Variants in IFT172 observed in about 807,000 individuals in gnomAD.
The protein encoded by IFT172 is intraflagellar transport 172.
A neutral mutation model predicts 248.9 loss-of-function variants in IFT172; 164 were observed. That is an observed-to-expected ratio of 0.66 (90% CI 0.58 to 0.75). The LOEUF is 0.75. Among genes scored for constraint, IFT172 ranks in the 30% least tolerant of loss-of-function variants. The probability of loss-of-function intolerance (pLI) is 0.00; values close to 1 mark genes in which losing one functional copy is unlikely to be tolerated. For synonymous variants in IFT172, 729 were observed against 791.6 expected, an observed-to-expected ratio of 0.92 and a Z score of 1.33; for missense variants, 1,950 against 2,192.4, an observed-to-expected ratio of 0.89 and a Z score of 2.21.
intron 25 of IFT172, chr2:27,459,072 G>T (rs1348456968): frequency 3.1e-6 from 2 of 635,048 alleles, no homozygotes; most frequent in African/African-American, 1.8e-5. Context: ...AATCCAAAAG[G>T]GCCTCACATT....
Position 27,457,922 on chromosome 2 carries a change from G to T in IFT172, c.3030C>A (p.His1010Gln), listed in dbSNP as rs201607202. 2.0e-5 allele frequency: 32 copies of T among 1,614,076 alleles called. No homozygotes were observed. Among genetic ancestry groups the T allele is most frequent in the Non-Finnish European group, 2.7e-5 (32 of 1,180,026 alleles). ...PDLAITMYKK[H>Q]KLYDDMIRLV... ...GGCGGATCATGTCATCATACAACTT[G>T]TGCTTTTTGTACATGGTGATGGCAA... Residue 1010 changes from histidine to glutamine, a missense_variant, in exon 28 of 48, where the codon CAC (histidine) becomes CAA (glutamine). By Grantham distance (24) the His-to-Gln change is conservative. Around this residue, in one of 3 missense-constraint regions of IFT172, gnomAD observed 164 missense variants for 239.3 expected, o/e 0.69. Transcript: ENST00000260570.
At position 27,454,310 on chromosome 2, in the gene IFT172, G is replaced by A. The variant is rs1321944677; in HGVS notation, c.3530+44C>T. On this transcript the variant is annotated intron_variant, in intron 32 of 47. Transcript: ENST00000260570. The surrounding 1 kb of genome is among the most constrained non-coding windows in gnomAD (Gnocchi z 4.2). ...AGATAATCATGAAAGATCCTGGGACGGTGACTGGGGAAACAGTATTAAGGA... is the reference window on the plus strand; with the variant it reads ...AGATAATCATGAAAGATCCTGGGACAGTGACTGGGGAAACAGTATTAAGGA... The A allele has an allele frequency of 1.2e-5, 20 of 1,611,538 alleles. No individual in the cohort carries two copies. Among genetic ancestry groups the A allele is most frequent in the Admixed American group, 1.0e-4 (6 of 60,004 alleles).
intron 3 of IFT172, among the ~76,000 whole-genome samples, chr2:27,484,775 C>T (rs1668635029): frequency 6.6e-6 from 1 of 152,118 alleles, no homozygotes; most frequent in South Asian, 2.1e-4. Context: ...GATGTGACAT[C>T]ACTCTGGGCT....
rs1034299868 is a variant in IFT172, at chr2:27,479,943, G to A, written c.909+83C>T. On this transcript the variant is annotated intron_variant, in intron 9 of 47. Coordinates refer to ENST00000260570, the MANE Select transcript of IFT172 (RefSeq NM_015662.3). Reference sequence around the variant, plus strand: ...GAAAGAGGAGATTCTATAGTGTCAGGGAACAGTGCTTTAGGATAAGGCAGG... The same window carrying A: ...GAAAGAGGAGATTCTATAGTGTCAGAGAACAGTGCTTTAGGATAAGGCAGG... 4 of 1,503,228 alleles carry A rather than the reference G, an allele frequency of 2.7e-6. No individual in the cohort carries two copies. The African/African-American group carries it at 5.6e-5, about 21-fold the overall frequency. The allele number at this position is 1,503,228 out of a possible 1,614,324, so 93.1% of individuals were successfully genotyped here.
At chr2:27,463,548 T>A (rs1376901275) in intron 18 of IFT172, among the ~76,000 whole-genome samples, 12 of 132,342 alleles carry the variant, frequency 9.1e-5, no homozygotes, top group Non-Finnish European at 1.3e-4. Context: ...TTTTTTTTTT[T>A]AAGCTCATCA....
At chr2:27,484,039 A>G (rs1668573944) in intron 4 of IFT172, 102 bp from the exon 5 acceptor site, 15 of 1,282,918 alleles carry the variant, frequency 1.2e-5, no homozygotes, top group Non-Finnish European at 1.7e-5. Flanking sequence ...TCAATCTCCT[A>G]TAGGGAAGGA....
intron 1 of IFT172, 46 bp from the exon 2 acceptor site, chr2:27,485,549 A>G: frequency 6.2e-7 from 1 of 1,607,048 alleles, no homozygotes; most frequent in Non-Finnish European, 8.5e-7. Context: ...CTGGTCTAGA[A>G]TGCCAAAAGC....
chr2:27,481,682 A>C (rs1026245639), intron 7 of IFT172, among the ~76,000 whole-genome samples: 2 of 151,480 alleles, frequency 1.3e-5, no homozygotes, highest in African/African-American at 4.9e-5. Context: ...CTGGGATTAC[A>C]GGTGTGTGCC....
At chr2:27,459,301 C>T in intron 25 of IFT172, 77 bp downstream of exon 25, 1 of 1,552,622 alleles carries the variant, frequency 6.4e-7, no homozygotes, top group Non-Finnish European at 8.7e-7. Flanking sequence ...GAACTTGCCT[C>T]CACTTCCTGC....
At chr2:27,487,411 A>G (rs1463091737) in intron 1 of IFT172, among the ~76,000 whole-genome samples, 1 of 152,224 alleles carries the variant, frequency 6.6e-6, no homozygotes, top group Non-Finnish European at 1.5e-5. Context: ...ACAAGTACTT[A>G]CCATAGAATA....
chr2:27,445,678 GAT>G lies in IFT172; in HGVS notation c.4914+65_4914+66del. The G allele has an allele frequency of 1.3e-6, 2 of 1,566,702 alleles. No homozygotes were observed. The highest frequency in any genetic ancestry group is 8.8e-7 in the Non-Finnish European group (1 of 1,139,936). On this transcript the variant is annotated intron_variant, in intron 45 of 47. Transcript: ENST00000260570. The surrounding 1 kb of genome is among the most constrained non-coding windows in gnomAD (Gnocchi z 4.4). ...GTCCTTCCAAAGATGGCAGCACAAA[GAT>G]ATTCTCCCTCCTCAAGGCACTCACA...
intron 24 of IFT172, 84 bp downstream of exon 24, chr2:27,459,625 T>C: frequency 6.2e-7 from 1 of 1,602,290 alleles, no homozygotes; most frequent in Non-Finnish European, 8.5e-7. Flanking sequence ...TTGAGATCTC[T>C]TCTTTAAGGC....
chr2:27,477,067 T>C (rs929277345), intron 13 of IFT172, 150 bp downstream of exon 13: 2 of 713,226 alleles, frequency 2.8e-6, no homozygotes, highest in Admixed American at 2.3e-5. Flanking sequence ...TCAAGTAATC[T>C]GCTTGCCTCC....
At chr2:27,469,211 T>C (rs771914394) in intron 16 of IFT172, among the ~76,000 whole-genome samples, 1 of 151,818 alleles carries the variant, frequency 6.6e-6, no homozygotes, top group Admixed American at 6.6e-5. Context: ...CTGGCCAACA[T>C]GGTGAAACCC....
chr2:27,463,224 G>C, intron 18 of IFT172, 43 bp from the exon 19 acceptor site: 1 of 1,530,144 alleles, frequency 6.5e-7, no homozygotes. Context: ...TATTATTATA[G>C]AATCATCATT....
chr2:27,445,026 A>G lies in IFT172; in HGVS notation c.5148T>C (p.Leu1716=). ...AANKDNWNKF[L]MAIKTSHSPV... The stretch of plus-strand genomic sequence containing the variant: ...CCTCCTCTCTAACCTTGATGGCCAT[A>G]AGGAATTTATTCCAGTTGTCCTTGT... The change falls in exon 47 of 48, where the codon CTT becomes CTC. Residue 1716 remains leucine, a synonymous_variant. Coordinates refer to ENST00000260570, the MANE Select transcript of IFT172 (RefSeq NM_015662.3). The surrounding 1 kb of genome is among the most constrained non-coding windows in gnomAD (Gnocchi z 4.4). The G allele has an allele frequency of 6.2e-7, 1 of 1,613,890 alleles. No individual in the cohort carries two copies. Among genetic ancestry groups the G allele is most frequent in the Non-Finnish European group, 8.5e-7 (1 of 1,179,978 alleles).
In IFT172 at chr2:27,472,252, G is replaced by A. The variant is rs371011000; in HGVS notation, c.1522C>T (p.Arg508Cys). The change falls in exon 15 of 48, where the codon CGT becomes TGT. Residue 508 changes from arginine to cysteine, a missense_variant and splice_region_variant. Around this residue, in one of 3 missense-constraint regions of IFT172, gnomAD observed 1,166 missense variants for 1,254.1 expected, o/e 0.93. Coordinates refer to ENST00000260570, the MANE Select transcript of IFT172 (RefSeq NM_015662.3). ...HKLLFRDRKL[R>C]LHLYDIESCS... ...AAGGCCTTAGTAGCTCTTCTCACAC[G>A]AAGTTTCCGGTCCCTGAAGAGGAGC... The A allele has an allele frequency of 1.4e-5, 22 of 1,612,398 alleles. No individual in the cohort carries two copies. The highest frequency in any genetic ancestry group is 8.3e-5 in the Admixed American group (5 of 59,982).
chr2:27,445,255 T>G lies in IFT172; in HGVS notation c.5068+41A>C. 1.3e-6 allele frequency: 2 copies of G among 1,594,224 alleles called. No homozygotes were observed. The highest frequency in any genetic ancestry group is 1.7e-6 in the Non-Finnish European group (2 of 1,168,328). On this transcript the variant is annotated intron_variant, in intron 46 of 47. Transcript: ENST00000260570. This position sits in a 1 kb window ranked among gnomAD's most constrained non-coding sequence, Gnocchi z 4.4. ...ATTAAGTTTATTGATCCTGCTGCTTTCTACCCACCACAGGATCTGGGGTGC... is the reference window on the plus strand; with the variant it reads ...ATTAAGTTTATTGATCCTGCTGCTTGCTACCCACCACAGGATCTGGGGTGC...
intron 9 of IFT172, 100 bp from the exon 10 acceptor site, chr2:27,479,704 A>G: frequency 1.2e-6 from 1 of 846,082 alleles, no homozygotes. Context: ...TAGAGTCTAG[A>G]GAAGAGTTGG....
Sources: allele counts gnomAD v4.1 joint callset (sites outside exome capture counted in the v4.1 genomes callset), GRCh38; gene constraint gnomAD v4.1.1; regional missense constraint gnomAD v4.1.1; non-coding constraint Gnocchi (gnomAD v3.1); transcripts MANE v1.5; gene names NCBI Gene and HGNC (gene_info 2026-07-23, HGNC 2026-07-21).